The following FERRY3 variants were observed in gnomAD, a reference collection of about 807,000 sequenced individuals.
FERRY3 encodes FERRY endosomal RAB5 effector complex subunit 3.
At chr12:4,500,751 C>T in the FERRY3 span, among the ~76,000 whole-genome samples, 1 of 152,176 alleles carries the variant, frequency 6.6e-6, no homozygotes, top group Non-Finnish European at 1.5e-5. Context: ...CTCCCTGGTT[C>T]AAGCAATTCT....
the FERRY3 span, among the ~76,000 whole-genome samples, chr12:4,530,746 G>A: frequency 6.6e-6 from 1 of 152,234 alleles, no homozygotes; most frequent in South Asian, 2.1e-4. Context: ...AACGCTGATA[G>A]ACAAGAAAAG....
the FERRY3 span, among the ~76,000 whole-genome samples, chr12:4,507,367 T>C: frequency 1.3e-5 from 2 of 152,170 alleles, no homozygotes; most frequent in African/African-American, 4.8e-5. Context: ...TATACTTCTA[T>C]AGGGATTTTC....
chr12:4,500,214 T>C, the FERRY3 span: 5 of 1,613,956 alleles, frequency 3.1e-6, no homozygotes, highest in African/African-American at 2.7e-5. Context: ...TTTGAGTATA[T>C]TTCGGAGTCC....
At chr12:4,492,983 C>T in the FERRY3 span, among the ~76,000 whole-genome samples, 2 of 152,104 alleles carry the variant, frequency 1.3e-5, no homozygotes, top group African/African-American at 4.8e-5. Context: ...TCTGCAATGC[C>T]TGTCACCCAC....
the FERRY3 span, among the ~76,000 whole-genome samples, chr12:4,537,957 G>A: frequency 6.6e-6 from 1 of 151,808 alleles, no homozygotes. Flanking sequence ...TAGGAGAATA[G>A]TAAACTTGTT....
chr12:4,514,971 C>T, the FERRY3 span, among the ~76,000 whole-genome samples: 2 of 151,984 alleles, frequency 1.3e-5, no homozygotes, highest in African/African-American at 4.8e-5. Context: ...AACCAATATA[C>T]TTAATGCTAG....
the FERRY3 span, among the ~76,000 whole-genome samples, chr12:4,517,558 C>T: frequency 0.015 from 2,202 of 150,932 alleles, 60 homozygotes; most frequent in African/African-American, 0.05. Context: ...AACAAGTATA[C>T]GTTTCATATA....
the FERRY3 span, among the ~76,000 whole-genome samples, chr12:4,537,443 C>T: frequency 6.6e-6 from 1 of 152,136 alleles, no homozygotes; most frequent in South Asian, 2.1e-4. Context: ...ATGTATTAGG[C>T]AGGATGTTGC....
At chr12:4,521,658 A>T in the FERRY3 span, among the ~76,000 whole-genome samples, 25 of 152,220 alleles carry the variant, frequency 1.6e-4, no homozygotes, top group Non-Finnish European at 1.5e-5. Flanking sequence ...CAATGCCCCC[A>T]TTAACCTGAC....
chr12:4,508,363 AAC>A, the FERRY3 span, among the ~76,000 whole-genome samples: 1 of 152,254 alleles, frequency 6.6e-6, no homozygotes, highest in African/African-American at 2.4e-5. Flanking sequence ...AAAAGTACCA[AAC>A]ACAGATTTAA....
At chr12:4,498,683 T>C in the FERRY3 span, among the ~76,000 whole-genome samples, 2 of 152,182 alleles carry the variant, frequency 1.3e-5, no homozygotes, top group African/African-American at 4.8e-5. Context: ...CCCAACCTTT[T>C]TGGCACCAGG....
the FERRY3 span, among the ~76,000 whole-genome samples, chr12:4,536,418 C>CT: frequency 6.0e-5 from 9 of 150,094 alleles, no homozygotes; most frequent in East Asian, 1.7e-3. Context: ...AAAAAAGACA[C>CT]TTTGTTTTAA....
At chr12:4,517,921 C>CT in the FERRY3 span, 1 of 639,582 alleles carries the variant, frequency 1.6e-6, no homozygotes, top group Non-Finnish European at 2.7e-6. Context: ...ATAACTATGG[C>CT]TGGGTATGTT....
chr12:4,514,980 A>G, the FERRY3 span, among the ~76,000 whole-genome samples: 2 of 152,228 alleles, frequency 1.3e-5, no homozygotes, highest in Admixed American at 6.5e-5. Flanking sequence ...ACTTAATGCT[A>G]GATGACGAGT....
At chr12:4,503,962 T>C in the FERRY3 span, among the ~76,000 whole-genome samples, 2 of 152,224 alleles carry the variant, frequency 1.3e-5, no homozygotes, top group South Asian at 2.1e-4. Flanking sequence ...TGTGGATCCA[T>C]GAAGAGAAAT....
chr12:4,500,230 T>C, the FERRY3 span: 2 of 1,614,064 alleles, frequency 1.2e-6, no homozygotes, highest in Admixed American at 3.3e-5. Flanking sequence ...AGTCCCATAA[T>C]GGCAGGATCA....
the FERRY3 span, among the ~76,000 whole-genome samples, chr12:4,513,610 C>T: frequency 6.6e-6 from 1 of 152,038 alleles, no homozygotes; most frequent in Non-Finnish European, 1.5e-5. Flanking sequence ...ATTATCTGAT[C>T]TTTGACAAAC....
the FERRY3 span, among the ~76,000 whole-genome samples, chr12:4,504,897 G>A: frequency 6.6e-6 from 1 of 152,176 alleles, no homozygotes; most frequent in Non-Finnish European, 1.5e-5. Flanking sequence ...GAGGTCAGGA[G>A]TTCAAGACCA....
the FERRY3 span, chr12:4,491,157 A>G: frequency 6.2e-7 from 1 of 1,608,732 alleles, no homozygotes; most frequent in East Asian, 2.3e-5. Context: ...GGTGGTTGTC[A>G]GAGAGAAGAT....
Sources: allele counts gnomAD v4.1 joint callset (sites outside exome capture counted in the v4.1 genomes callset), GRCh38; gene constraint gnomAD v4.1.1; transcripts MANE v1.5; gene names NCBI Gene and HGNC (gene_info 2026-07-23, HGNC 2026-07-21).